Variants in FSTL5 observed in about 807,000 individuals in gnomAD.
FSTL5 encodes the protein follistatin like 5.
Under a neutral mutation model 89.1 loss-of-function variants are expected in FSTL5, and 62 were observed. That is an observed-to-expected ratio of 0.70 (90% confidence interval 0.57 to 0.86). The LOEUF (loss-of-function observed/expected upper bound fraction) is 0.86, where lower values mean the gene tolerates loss of function less well. FSTL5 is among the 40% of genes least tolerant of loss of function. The pLI, the probability that FSTL5 is intolerant of heterozygous loss-of-function variation, is 0.00. For synonymous variants in FSTL5, 383 were observed against 346.2 expected, an observed-to-expected ratio of 1.11 and a Z score of -1.18; for missense variants, 1,057 against 1,001.6, an observed-to-expected ratio of 1.06 and a Z score of -0.75.
chr4:161,575,185 T>G (rs1376469074), intron 8 of FSTL5, among the ~76,000 whole-genome samples: 1 of 152,186 alleles, frequency 6.6e-6, no homozygotes, highest in Non-Finnish European at 1.5e-5. Flanking sequence ...GCCCACTTTT[T>G]GATGGAGTTG....
At chr4:161,823,941 A>AT (rs1458160258) in intron 4 of FSTL5, among the ~76,000 whole-genome samples, 3 of 152,074 alleles carry the variant, frequency 2.0e-5, no homozygotes, top group Non-Finnish European at 2.9e-5. Context: ...GATTACAAAG[A>AT]TTTTTTCCCA....
chr4:162,091,544 C>T (rs1331770204), intron 2 of FSTL5, among the ~76,000 whole-genome samples: 4 of 152,048 alleles, frequency 2.6e-5, no homozygotes, highest in Non-Finnish European at 5.9e-5. Context: ...ACCTGGCAAA[C>T]AGTTATGCTA....
At chr4:161,934,103 A>G (rs993272209) in intron 3 of FSTL5, among the ~76,000 whole-genome samples, 1 of 152,102 alleles carries the variant, frequency 6.6e-6, no homozygotes, top group Non-Finnish European at 1.5e-5. Context: ...TTTACAAATA[A>G]AGAAGAAACT....
intron 4 of FSTL5, among the ~76,000 whole-genome samples, chr4:161,872,958 C>G (rs937879624): frequency 6.6e-6 from 1 of 152,106 alleles, no homozygotes; most frequent in African/African-American, 2.4e-5. Flanking sequence ...CTATTTTGAA[C>G]ACACTGTGCT....
chr4:161,710,271 C>A (rs998298898), intron 6 of FSTL5, among the ~76,000 whole-genome samples: 1 of 152,120 alleles, frequency 6.6e-6, no homozygotes, highest in Admixed American at 6.5e-5. Flanking sequence ...CCTGGCCAAA[C>A]ACAGACTTTT....
chr4:161,784,770 T>G (rs1741824617), intron 4 of FSTL5, among the ~76,000 whole-genome samples: 1 of 151,364 alleles, frequency 6.6e-6, no homozygotes, highest in Admixed American at 6.6e-5. Context: ...GGCGGGCGCC[T>G]GTAGTCCCAG....
intron 3 of FSTL5, among the ~76,000 whole-genome samples, chr4:162,013,192 A>AAAAAAAAT (rs1458585902): frequency 6.7e-6 from 1 of 150,194 alleles, no homozygotes; most frequent in African/African-American, 2.4e-5. Context: ...CTTAAAAAAA[A>AAAAAAAAT]AAAAAAATTT....
chr4:161,990,786 T>C (rs1459491980), intron 3 of FSTL5, among the ~76,000 whole-genome samples: 1 of 152,164 alleles, frequency 6.6e-6, no homozygotes, highest in East Asian at 1.9e-4. Flanking sequence ...TAGAAATAGA[T>C]TGAAACAGCT....
chr4:162,132,144 A>C (rs758338470), intron 1 of FSTL5, among the ~76,000 whole-genome samples: 7 of 152,204 alleles, frequency 4.6e-5, no homozygotes, highest in Non-Finnish European at 8.8e-5. Context: ...GCATTCTTAA[A>C]ACATTAAGAA....
chr4:161,971,426 T>TCAC (rs1335778983), intron 3 of FSTL5, among the ~76,000 whole-genome samples: 1 of 152,124 alleles, frequency 6.6e-6, no homozygotes, highest in Admixed American at 6.6e-5. Context: ...AATATAAGAT[T>TCAC]AATTCCTTAT....
chr4:161,944,772 T>A (rs961033652), intron 3 of FSTL5, among the ~76,000 whole-genome samples: 10 of 151,878 alleles, frequency 6.6e-5, no homozygotes, highest in African/African-American at 2.4e-4. Flanking sequence ...TATTACTAGC[T>A]TTATAGTTTG....
intron 8 of FSTL5, among the ~76,000 whole-genome samples, chr4:161,562,457 T>C (rs1332872437): frequency 6.6e-6 from 1 of 151,984 alleles, no homozygotes; most frequent in Non-Finnish European, 1.5e-5. Flanking sequence ...TTTATCAACA[T>C]AGTATGTTTT....
chr4:161,468,962 T>C (rs1293375792), intron 13 of FSTL5, among the ~76,000 whole-genome samples: 1 of 152,134 alleles, frequency 6.6e-6, no homozygotes, highest in Non-Finnish European at 1.5e-5. Flanking sequence ...CTTAACCATT[T>C]TTAAGTGTGC....
intron 7 of FSTL5, among the ~76,000 whole-genome samples, chr4:161,591,537 GC>G (rs2126611673): frequency 6.6e-6 from 1 of 152,102 alleles, no homozygotes; most frequent in East Asian, 1.9e-4. Context: ...AAATAAATAT[GC>G]CATAATAAAA....
chr4:161,758,691 T>C (rs7682549), intron 6 of FSTL5, among the ~76,000 whole-genome samples: 38,122 of 151,862 alleles, frequency 0.25, 8,168 homozygotes, highest in African/African-American at 0.58. Flanking sequence ...CTAATTTTTG[T>C]ATGTTTAGTA....
At chr4:161,623,576 A>G (rs952103799) in intron 7 of FSTL5, among the ~76,000 whole-genome samples, 1 of 151,900 alleles carries the variant, frequency 6.6e-6, no homozygotes, top group African/African-American at 2.4e-5. Context: ...GTCAGTCCCT[A>G]TGTAATTTTT....
Position 161,462,180 on chromosome 4 carries a change from G to A in FSTL5, c.1609-2861C>T, listed in dbSNP as rs1017998387. On this transcript the variant is annotated intron_variant, in intron 13 of 15. Coordinates refer to ENST00000306100, the MANE Select transcript of FSTL5 (RefSeq NM_020116.5). ...AATCAGTCTTGTTGGAGGTCCTCCAGCCAATAACAAGGACATCTGGGATCT... is the reference window on the plus strand; with the variant it reads ...AATCAGTCTTGTTGGAGGTCCTCCAACCAATAACAAGGACATCTGGGATCT... Among the ~76,000 whole-genome samples, 7 of 152,320 alleles carry A rather than the reference G, an allele frequency of 4.6e-5. No homozygotes were observed. The East Asian group carries it at 1.4e-3, about 29-fold the overall frequency.
At chr4:161,964,930 T>C (rs1463498086) in intron 3 of FSTL5, among the ~76,000 whole-genome samples, 1 of 152,064 alleles carries the variant, frequency 6.6e-6, no homozygotes, top group Non-Finnish European at 1.5e-5. Flanking sequence ...CTCTCCTTAA[T>C]TGTTGGTTTA....
At chr4:161,901,288 A>G (rs1313268859) in intron 4 of FSTL5, among the ~76,000 whole-genome samples, 1 of 152,162 alleles carries the variant, frequency 6.6e-6, no homozygotes, top group Non-Finnish European at 1.5e-5. Context: ...GCCTGTGAAG[A>G]GGAGACATTT....
Sources: allele counts gnomAD v4.1 joint callset (sites outside exome capture counted in the v4.1 genomes callset), GRCh38; gene constraint gnomAD v4.1.1; transcripts MANE v1.5; gene names NCBI Gene and HGNC (gene_info 2026-07-23, HGNC 2026-07-21).